The following PPFIA2 variants were observed in gnomAD, a reference collection of about 807,000 sequenced individuals.
PPFIA2 encodes liprin-alpha-2.
PPFIA2 carries 46 observed loss-of-function variants against 175.5 expected under a neutral mutation model. The ratio of observed to expected loss-of-function variants is 0.26; its 90% CI spans 0.21 to 0.34. The LOEUF (loss-of-function observed/expected upper bound fraction) is 0.34, where lower values mean the gene tolerates loss of function less well. Ranked by LOEUF, PPFIA2 falls within the 10% of genes least tolerant of loss-of-function variation. PPFIA2 has a pLI of 1.00. For missense variants in PPFIA2, 1,179 were observed against 1,506.1 expected (o/e 0.78, Z 3.60); for synonymous variants, 568 against 511.4 (o/e 1.11, Z -1.49).
chr12:81,524,910 T>C (rs770686006), intron 4 of PPFIA2, among the ~76,000 whole-genome samples: 9 of 152,168 alleles, frequency 5.9e-5, no homozygotes, highest in Non-Finnish European at 8.8e-5. Context: ...AGTGTCCTTA[T>C]TAAAGAGTCT....
chr12:81,693,955 T>C (rs1339072092), intron 3 of PPFIA2, among the ~76,000 whole-genome samples: 1 of 152,066 alleles, frequency 6.6e-6, no homozygotes, highest in Non-Finnish European at 1.5e-5. Flanking sequence ...ATTAGGGTAT[T>C]TGATGAAAGA....
At position 81,417,228 on chromosome 12, in the gene PPFIA2, C is replaced by T. The variant is rs887103168; in HGVS notation, c.646-11325G>A. 4 of 151,628 alleles carry T rather than the reference C, an allele frequency of 2.6e-5. No homozygotes were observed. In the South Asian group the frequency reaches 8.3e-4, roughly 31 times the overall value. The allele number at this position is 151,628 out of a possible 1,614,324, so 9.4% of individuals were successfully genotyped here. A position where few individuals can be genotyped will look rare whatever the true frequency, so the allele number is the denominator to read the frequency against. On this transcript the variant is annotated intron_variant, in intron 7 of 32. Coordinates refer to ENST00000549396, the MANE Select transcript of PPFIA2 (RefSeq NM_003625.5). The stretch of plus-strand genomic sequence containing the variant: ...ACACTATAATTCCATCAATTTGAGT[C>T]TCTTAAAATGTTACACTGAAATGAA...
chr12:81,734,290 A>G (rs1845898495), intron 3 of PPFIA2, among the ~76,000 whole-genome samples: 1 of 151,812 alleles, frequency 6.6e-6, no homozygotes, highest in African/African-American at 2.4e-5. Context: ...ATATGCACAT[A>G]TAAGGAAAAA....
chr12:81,487,172 A>G (rs546297531), intron 4 of PPFIA2, among the ~76,000 whole-genome samples: 1 of 151,902 alleles, frequency 6.6e-6, no homozygotes, highest in South Asian at 2.1e-4. Flanking sequence ...TATCCACTGG[A>G]GTGAGTTGGT....
At chr12:81,310,824 T>C (rs946854087) in intron 22 of PPFIA2, among the ~76,000 whole-genome samples, 1 of 152,124 alleles carries the variant, frequency 6.6e-6, no homozygotes, top group African/African-American at 2.4e-5. Flanking sequence ...CACCAAGTCA[T>C]TTTGGCAATG....
At chr12:81,727,488 C>G (rs2080242260) in intron 3 of PPFIA2, among the ~76,000 whole-genome samples, 1 of 151,212 alleles carries the variant, frequency 6.6e-6, no homozygotes, top group Non-Finnish European at 1.5e-5. Context: ...CTCCTTGTTT[C>G]TATGCTGTTT....
chr12:81,583,282 C>G (rs532488259), intron 4 of PPFIA2, among the ~76,000 whole-genome samples: 2 of 151,934 alleles, frequency 1.3e-5, no homozygotes, highest in East Asian at 1.9e-4. Flanking sequence ...TAGGATAAAG[C>G]CATTTGATGT....
In PPFIA2 at chr12:81,335,744, AAACAACAACAAC is replaced by A. The variant is rs142716386; in HGVS notation, c.2548+3424_2548+3435del. On this transcript the variant is annotated intron_variant, in intron 21 of 32. Coordinates refer to ENST00000549396, the MANE Select transcript of PPFIA2 (RefSeq NM_003625.5). The stretch of plus-strand genomic sequence containing the variant: ...GGTGACAGAGTGAAATTCTGTCTAA[AAACAACAACAAC>A]AACAACAACAACAACAACAACAAAA... 1.6e-3 allele frequency among the ~76,000 whole-genome samples: 232 copies of A among 149,496 alleles called. 4 individuals carry two copies. In the East Asian group the frequency reaches 0.027, roughly 18 times the overall value.
At chr12:81,538,225 A>T (rs2065684741) in intron 4 of PPFIA2, among the ~76,000 whole-genome samples, 1 of 151,970 alleles carries the variant, frequency 6.6e-6, no homozygotes, top group South Asian at 2.1e-4. Flanking sequence ...TGGTGAATAC[A>T]TAGCATAATT....
chr12:81,281,305 G>GTTA lies in PPFIA2; in HGVS notation c.3161_3163dup (p.Leu1054_Thr1055insIle). 1 of 1,608,304 alleles carries GTTA rather than the reference G, an allele frequency of 6.2e-7. No homozygotes were observed. The highest frequency in any genetic ancestry group is 8.5e-7 in the Non-Finnish European group (1 of 1,177,132). The stretch of plus-strand genomic sequence containing the variant: ...TAAATGGACACGGAGATCTTTTTTT[G>GTTA]TTAGGTGATCTAACATTCTTGCATC... On this transcript the variant is annotated inframe_insertion, in exon 27 of 33. Coordinates refer to ENST00000549396, the MANE Select transcript of PPFIA2 (RefSeq NM_003625.5).
intron 3 of PPFIA2, among the ~76,000 whole-genome samples, chr12:81,682,240 C>T (rs1052131036): frequency 3.9e-5 from 6 of 151,932 alleles, no homozygotes; most frequent in African/African-American, 1.2e-4. Flanking sequence ...GGGATGTGTG[C>T]ACACTGAGCA....
chr12:81,513,737 C>A (rs1478538880), intron 4 of PPFIA2, among the ~76,000 whole-genome samples: 5 of 151,860 alleles, frequency 3.3e-5, no homozygotes, highest in Non-Finnish European at 7.4e-5. Context: ...AATTGGTCAA[C>A]AATATATAAT....
At chr12:81,351,110 C>A (rs1291613352) in intron 17 of PPFIA2, among the ~76,000 whole-genome samples, 1 of 152,032 alleles carries the variant, frequency 6.6e-6, no homozygotes, top group African/African-American at 2.4e-5. Flanking sequence ...TATCAGAGTG[C>A]CAACATTTCT....
chr12:81,491,664 C>T (rs1222438819), intron 4 of PPFIA2, among the ~76,000 whole-genome samples: 1 of 151,880 alleles, frequency 6.6e-6, no homozygotes. Flanking sequence ...ACACTGGATC[C>T]ACCAGTGCCT....
rs561352113 is a variant in PPFIA2 at position 81,598,934 on chromosome 12, CT to C, written c.303+77856del. Among the ~76,000 whole-genome samples, 161 of 152,000 alleles carry C rather than the reference CT, an allele frequency of 1.1e-3. 1 individual carries two copies. Among genetic ancestry groups the C allele is most frequent in the African/African-American group, 3.7e-3 (155 of 41,490 alleles). On this transcript the variant is annotated intron_variant, in intron 4 of 32. Transcript: ENST00000549396. ...CATATTTGTTTTAAATAATCACAAC[CT>C]TATTTCATATACATATATACACACA...
intron 5 of PPFIA2, among the ~76,000 whole-genome samples, chr12:81,446,956 T>C (rs2051396983): frequency 6.6e-6 from 1 of 152,100 alleles, no homozygotes. Context: ...AACACCAGTA[T>C]CTGAGACACT....
At chr12:81,374,010 G>C (rs181499593) in intron 11 of PPFIA2, among the ~76,000 whole-genome samples, 1 of 152,064 alleles carries the variant, frequency 6.6e-6, no homozygotes, top group Non-Finnish European at 1.5e-5. Flanking sequence ...GGTCAGAATA[G>C]TTCTTTTTAA....
intron 3 of PPFIA2, among the ~76,000 whole-genome samples, chr12:81,683,513 C>T (rs2073998414): frequency 6.6e-6 from 1 of 151,990 alleles, no homozygotes; most frequent in South Asian, 2.1e-4. Flanking sequence ...AATCTTAAAA[C>T]AAAACACAAA....
intron 14 of PPFIA2, among the ~76,000 whole-genome samples, chr12:81,365,984 C>CCCTTCCTTCCTTCCTTCCTTCCTT (rs1227188576): frequency 2.9e-4 from 12 of 42,076 alleles, no homozygotes; most frequent in African/African-American, 1.2e-3. Flanking sequence ...CTCCCTCCCT[C>CCCTTCCTTCCTTCCTTCCTTCCTT]CCTTCCTTCC....
Sources: gnomAD v4.1 joint callset for allele counts (sites outside exome capture counted in the v4.1 genomes callset) on GRCh38, gnomAD v4.1.1 for gene constraint, MANE v1.5 for transcripts, NCBI Gene and HGNC (gene_info 2026-07-23, HGNC 2026-07-21) for gene names.